The following LAMA5 variants were observed in gnomAD, a reference collection of about 807,000 sequenced individuals.
LAMA5 encodes laminin subunit alpha 5.
A neutral mutation model predicts 433.4 loss-of-function variants in LAMA5; 260 were observed. The observed-to-expected ratio is 0.60, with a 90% CI of 0.54 to 0.66. The LOEUF is 0.66. Ranked by LOEUF, LAMA5 falls within the 30% of genes least tolerant of loss-of-function variation. The probability of loss-of-function intolerance (pLI) is 0.00; values close to 1 mark genes in which losing one functional copy is unlikely to be tolerated. For synonymous variants in LAMA5, 2,620 were observed against 2,226.6 expected (o/e 1.18, Z -4.97); for missense variants, 5,378 against 5,258.5 (o/e 1.02, Z -0.70).
rs779093408 is a variant in LAMA5 at position 62,359,621 on chromosome 20, C to T, written c.450+2779G>A. 7.2e-5 allele frequency among the ~76,000 whole-genome samples: 11 copies of T among 152,090 alleles called. No homozygotes were observed. Among genetic ancestry groups the T allele is most frequent in the African/African-American group, 1.7e-4 (7 of 41,408 alleles). Reference sequence around the variant, plus strand: ...TAGAAGGACCCCCTGGGGAAGGTCACGTCTGGAACTCGGAAACTGCCCCCT... The same window carrying T: ...TAGAAGGACCCCCTGGGGAAGGTCATGTCTGGAACTCGGAAACTGCCCCCT... On this transcript the variant is annotated intron_variant, in intron 2 of 79. Coordinates refer to ENST00000252999, the MANE Select transcript of LAMA5 (RefSeq NM_005560.6). This position sits in a 1 kb window ranked among gnomAD's most constrained non-coding sequence, Gnocchi z 4.3.
rs2146199531 is a variant in LAMA5 at position 62,332,610 on chromosome 20, G to C, written c.3390C>G (p.Thr1130=). ...ARQEVGVAVH[T]PQRAPQQGLL... ...GCCCCTGCTGGGGGGCCCGCTGTGGGGTGTGCACGGCCACGCCCACCTCCT... is the reference window on the plus strand; with the variant it reads ...GCCCCTGCTGGGGGGCCCGCTGTGGCGTGTGCACGGCCACGCCCACCTCCT... Residue 1130 remains threonine, a synonymous_variant, in exon 27 of 80, where the codon ACC becomes ACG. Coordinates refer to ENST00000252999, the MANE Select transcript of LAMA5 (RefSeq NM_005560.6). 6.2e-7 allele frequency: 1 copy of C among 1,603,102 alleles called. No individual in the cohort carries two copies.
intron 1 of LAMA5, among the ~76,000 whole-genome samples, chr20:62,363,476 A>T (rs1986384081): frequency 6.6e-6 from 1 of 152,030 alleles, no homozygotes; most frequent in African/African-American, 2.4e-5. Context: ...TGAGTGGGGA[A>T]GAGAGGAGGC....
chr20:62,337,200 GCA>G (rs1211983103), intron 16 of LAMA5, among the ~76,000 whole-genome samples: 1 of 148,384 alleles, frequency 6.7e-6, no homozygotes, highest in East Asian at 2.0e-4. Flanking sequence ...TGCGATACGC[GCA>G]CCCACTTATG....
chr20:62,329,288 CCA>C, intron 32 of LAMA5, 35 bp from the exon 33 acceptor site: 2 of 1,521,594 alleles, frequency 1.3e-6, no homozygotes, highest in Non-Finnish European at 1.8e-6. Flanking sequence ...TCCCGCGGGC[CCA>C]GAGCCTGCAG....
chr20:62,354,876 T>C (rs1165904591), intron 2 of LAMA5, among the ~76,000 whole-genome samples: 1 of 151,964 alleles, frequency 6.6e-6, no homozygotes, highest in African/African-American at 2.4e-5. Flanking sequence ...GGGAAAGGGC[T>C]CTCCCAGGCA....
At chr20:62,336,842 AG>A in intron 16 of LAMA5, 56 bp from the exon 17 acceptor site, 1 of 1,567,928 alleles carries the variant, frequency 6.4e-7, no homozygotes, top group South Asian at 1.1e-5. Flanking sequence ...CGGAAGGCCA[AG>A]GGTGTCCCAG....
rs201929481 is a variant in LAMA5, at chr20:62,328,831, C to G, written c.4447+13G>C. 135 of 1,609,390 alleles carry G rather than the reference C, an allele frequency of 8.4e-5. No homozygotes were observed. Among genetic ancestry groups the G allele is most frequent in the Non-Finnish European group, 1.1e-4 (126 of 1,178,894 alleles). ...CTCCCTGCCACTGGGCGCCCAAGGA[C>G]TGGGGTACTCACGCCTGCAGTTGGG... On this transcript the variant is annotated intron_variant, in intron 34 of 79. Transcript: ENST00000252999.
intron 62 of LAMA5, among the ~76,000 whole-genome samples, chr20:62,314,098 CACAG>C: frequency 2.3e-4 from 1 of 4,400 alleles, no homozygotes; most frequent in Non-Finnish European, 1.0e-3. Context: ...GGCGAGTGGG[CACAG>C]ACGGGTGGCG....
chr20:62,310,336 A>C, intron 76 of LAMA5, 25 bp from the exon 77 acceptor site: 1 of 1,581,412 alleles, frequency 6.3e-7, no homozygotes, highest in Non-Finnish European at 8.6e-7. Flanking sequence ...TGTGATGGAG[A>C]AGAAAGGGGG....
chr20:62,311,293 G>C lies in LAMA5; in HGVS notation c.9957C>G (p.Ser3319Arg). Residue 3319 changes from serine to arginine, a missense_variant, in exon 73 of 80, where the codon AGC (serine) becomes AGG (arginine). Coordinates refer to ENST00000252999, the MANE Select transcript of LAMA5 (RefSeq NM_005560.6). ...QATARKASRR[S>R]RQPARHPACM... The stretch of plus-strand genomic sequence containing the variant: ...AGGCAGGATGCCGGGCGGGCTGACG[G>C]CTGCGGCGGGAGGCCTGGGGGCGTG... 6.3e-7 allele frequency: 1 copy of C among 1,585,702 alleles called. No individual in the cohort carries two copies. The highest frequency in any genetic ancestry group is 1.4e-5 in the African/African-American group (1 of 74,056).
intron 2 of LAMA5, among the ~76,000 whole-genome samples, chr20:62,361,979 T>A (rs1391510129): frequency 6.6e-6 from 1 of 150,534 alleles, no homozygotes; most frequent in Non-Finnish European, 1.5e-5. Context: ...ATCCCAGGAA[T>A]GTCCACTTGC....
intron 2 of LAMA5, among the ~76,000 whole-genome samples, chr20:62,360,248 G>A (rs1030021459): frequency 1.5e-4 from 21 of 135,746 alleles, no homozygotes; most frequent in African/African-American, 6.0e-4. Context: ...TGTGGAGGGA[G>A]GAATGAGCAG....
chr20:62,314,378 C>A lies in LAMA5; in HGVS notation c.8430G>T (p.Leu2810=), dbSNP rs1175850144. Residue 2810 remains leucine (L), a synonymous_variant, in exon 62 of 80, where the codon CTG becomes CTT. Transcript: ENST00000252999. Reference sequence around the variant, plus strand: ...TTAGGACTGCAGGGCCCGCCTCACCCAGCTGATACACCCAGTGCACCTTCT... The same window carrying A: ...TTAGGACTGCAGGGCCCGCCTCACCAAGCTGATACACCCAGTGCACCTTCT... ...RDKKVHWVYQ[L]GEAGPAVLSI... 3 of 1,613,500 alleles carry A rather than the reference C, an allele frequency of 1.9e-6. No homozygotes were observed. The highest frequency in any genetic ancestry group is 2.5e-6 in the Non-Finnish European group (3 of 1,179,948).
At chr20:62,316,133 GACCCCA>G in intron 57 of LAMA5, 75 bp from the exon 58 acceptor site, 4 of 1,003,462 alleles carry the variant, frequency 4.0e-6, no homozygotes, top group Non-Finnish European at 6.0e-6. Flanking sequence ...CCACCCTTCT[GACCCCA>G]GGAGGACCAA....
intron 41 of LAMA5, 114 bp downstream of exon 41, chr20:62,325,202 G>A (rs951013255): frequency 4.4e-6 from 3 of 688,120 alleles, no homozygotes; most frequent in African/African-American, 3.6e-5. Flanking sequence ...AGGAAGAGAG[G>A]TGAGTAGGGT....
At chr20:62,330,465 C>T (rs1347695545) in intron 31 of LAMA5, 23 bp downstream of exon 31, 2 of 1,517,968 alleles carry the variant, frequency 1.3e-6, no homozygotes, top group Non-Finnish European at 8.8e-7. Flanking sequence ...GTAGCCTCTC[C>T]ACCCCCCACA....
chr20:62,335,301 G>T, intron 18 of LAMA5, 32 bp from the exon 19 acceptor site: 1 of 1,609,312 alleles, frequency 6.2e-7, no homozygotes, highest in South Asian at 1.1e-5. Context: ...TCAGATGCTT[G>T]GTGGGGCAGG....
Position 62,310,028 on chromosome 20 carries a change from G to T in LAMA5, c.10788C>A (p.Arg3596=), listed in dbSNP as rs1293991585. The change falls in exon 78 of 80, where the codon CGC becomes CGA. Residue 3596 remains arginine, a synonymous_variant. Coordinates refer to ENST00000252999, the MANE Select transcript of LAMA5 (RefSeq NM_005560.6). The part of the protein sequence containing the change: ...GAGEFSTSVT[R]PSVLCDGQWH... Reference sequence around the variant, plus strand: ...ACTGGCCATCACACAGCACTGAGGGGCGGGTCACTGACGTGGAGAACTCCC... The same window carrying T: ...ACTGGCCATCACACAGCACTGAGGGTCGGGTCACTGACGTGGAGAACTCCC... 1.9e-6 allele frequency: 3 copies of T among 1,611,406 alleles called. No homozygotes were observed. The African/African-American group carries it at 4.0e-5, about 21-fold the overall frequency.
chr20:62,321,856 G>C (rs1025991418), intron 48 of LAMA5, among the ~76,000 whole-genome samples, 163 bp downstream of exon 48: 2 of 151,916 alleles, frequency 1.3e-5, no homozygotes, highest in Admixed American at 1.3e-4. Context: ...GAGCTGCAGC[G>C]CTCCTCAGCG....
Sources: gnomAD v4.1 joint callset for allele counts (sites outside exome capture counted in the v4.1 genomes callset) on GRCh38, gnomAD v4.1.1 for gene constraint, Gnocchi (gnomAD v3.1) non-coding constraint, MANE v1.5 for transcripts, NCBI Gene and HGNC (gene_info 2026-07-23, HGNC 2026-07-21) for gene names.